The following DCBLD2 variants were observed in gnomAD, a reference collection of about 807,000 sequenced individuals.
The protein encoded by DCBLD2 is discoidin, CUB and LCCL domain containing 2.
Under a neutral mutation model 86.8 loss-of-function variants are expected in DCBLD2, and 54 were observed. That is an observed-to-expected ratio of 0.62 (90% CI 0.50 to 0.78). The LOEUF (loss-of-function observed/expected upper bound fraction) is 0.78. DCBLD2 is among the 30% of genes least tolerant of loss of function. DCBLD2 has a pLI of 0.00. For missense variants in DCBLD2, 908 were observed against 954.2 expected, an observed-to-expected ratio of 0.95 and a Z score of 0.64; for synonymous variants, 354 against 341.3, an observed-to-expected ratio of 1.04 and a Z score of -0.41.
chr3:98,839,143 CCT>C (rs1491447625), intron 3 of DCBLD2, among the ~76,000 whole-genome samples: 17 of 11,836 alleles, frequency 1.4e-3, no homozygotes, highest in African/African-American at 3.3e-3. Flanking sequence ...TTCCTTCCTT[CCT>C]TCTTTCTTTC....
In DCBLD2 at chr3:98,901,367, G is replaced by T. The variant is rs920756604; in HGVS notation, c.-41C>A. ...TCTGCCTGCATAGTGCGGGTGCCTC[G>T]GCAGCCCCGCGCGCCTCTGGCCGCG... On this transcript the variant is annotated 5_prime_UTR_variant, in exon 1 of 16. Transcript: ENST00000326840. 3 of 1,285,634 alleles carry T rather than the reference G, an allele frequency of 2.3e-6. No homozygotes were observed. Among genetic ancestry groups the T allele is most frequent in the African/African-American group, 1.6e-5 (1 of 64,286 alleles). The allele number at this position is 1,285,634 out of a possible 1,614,324, so 79.6% of individuals were successfully genotyped here.
intron 4 of DCBLD2, among the ~76,000 whole-genome samples, chr3:98,823,394 C>T (rs1371499915): frequency 6.6e-6 from 1 of 152,158 alleles, no homozygotes; most frequent in Admixed American, 6.5e-5. Flanking sequence ...ATACATTTTA[C>T]CAACCCTCTA....
chr3:98,846,978 T>C (rs920506472), intron 3 of DCBLD2, among the ~76,000 whole-genome samples: 3 of 152,156 alleles, frequency 2.0e-5, no homozygotes, highest in Non-Finnish European at 2.9e-5. Flanking sequence ...TAACCTGATA[T>C]TAAGAAACTT....
At chr3:98,865,846 C>T (rs1459637190) in intron 2 of DCBLD2, among the ~76,000 whole-genome samples, 5 of 148,082 alleles carry the variant, frequency 3.4e-5, no homozygotes, top group Non-Finnish European at 6.0e-5. Context: ...TCTCCTAATG[C>T]TATCCCTCCT....
intron 3 of DCBLD2, among the ~76,000 whole-genome samples, chr3:98,841,983 T>C (rs752718055): frequency 3.8e-4 from 58 of 152,304 alleles, no homozygotes; most frequent in Middle Eastern, 3.4e-3. Flanking sequence ...GAGAATCGCT[T>C]GAACCCGAGA....
chr3:98,804,166 C>T (rs1241974148), intron 13 of DCBLD2, among the ~76,000 whole-genome samples: 3 of 152,152 alleles, frequency 2.0e-5, no homozygotes, highest in Non-Finnish European at 2.9e-5. Context: ...GCTATGAATC[C>T]GTCTGGTCCT....
chr3:98,885,135 G>A (rs13087627), intron 1 of DCBLD2, among the ~76,000 whole-genome samples: 6,667 of 151,872 alleles, frequency 0.044, 228 homozygotes, highest in Non-Finnish European at 0.07. Flanking sequence ...CTTGTGTAGG[G>A]GGAGGGCAGG....
intron 1 of DCBLD2, among the ~76,000 whole-genome samples, chr3:98,900,473 T>G: frequency 6.6e-6 from 1 of 151,002 alleles, no homozygotes; most frequent in East Asian, 1.9e-4. Context: ...GGATTGTAGG[T>G]GGAAAAAAAA....
chr3:98,881,878 A>T (rs1943478220), intron 1 of DCBLD2, 111 bp from the exon 2 acceptor site: 2 of 1,034,246 alleles, frequency 1.9e-6, no homozygotes, highest in Non-Finnish European at 2.8e-6. Flanking sequence ...ATTTTATACC[A>T]CCCATACTTT....
intron 13 of DCBLD2, among the ~76,000 whole-genome samples, chr3:98,806,293 A>G (rs1435838392): frequency 6.6e-6 from 1 of 152,220 alleles, no homozygotes; most frequent in Non-Finnish European, 1.5e-5. Flanking sequence ...TTGAAAATAG[A>G]AAATACAGGT....
rs149610225 is a variant in DCBLD2 at position 98,879,623 on chromosome 3, G to A, written c.433+1917C>T. 5.5e-3 allele frequency among the ~76,000 whole-genome samples: 831 copies of A among 152,210 alleles called. 6 individuals are homozygous for A. Among genetic ancestry groups the A allele is most frequent in the African/African-American group, 0.019 (769 of 41,536 alleles). On this transcript the variant is annotated intron_variant, in intron 2 of 15. Transcript: ENST00000326840. ...AGGATGGTCTCGATCACCTGACCTC[G>A]TGATCCGCCCACCTCGGTCTGATAA...
At chr3:98,864,628 C>T (rs1487287444) in intron 2 of DCBLD2, among the ~76,000 whole-genome samples, 5 of 152,108 alleles carry the variant, frequency 3.3e-5, no homozygotes. Flanking sequence ...AGCGCATGTT[C>T]TCACTCATAG....
intron 2 of DCBLD2, among the ~76,000 whole-genome samples, chr3:98,864,318 T>A (rs1176996283): frequency 1.3e-5 from 2 of 152,222 alleles, no homozygotes; most frequent in Non-Finnish European, 2.9e-5. Context: ...TATCTAGAAC[T>A]TAAAATACCA....
At chr3:98,888,250 T>C (rs970059731) in intron 1 of DCBLD2, among the ~76,000 whole-genome samples, 1 of 151,976 alleles carries the variant, frequency 6.6e-6, no homozygotes, top group African/African-American at 2.4e-5. Context: ...TAAAAAGACA[T>C]TGCCCCCAGC....
intron 9 of DCBLD2, among the ~76,000 whole-genome samples, chr3:98,817,411 A>G (rs1478433895): frequency 1.3e-5 from 2 of 152,222 alleles, no homozygotes; most frequent in Non-Finnish European, 2.9e-5. Flanking sequence ...CCTACAGAGT[A>G]GAAATCTGGG....
chr3:98,820,701 CAG>C (rs1183706297), intron 6 of DCBLD2: 1 of 152,262 alleles, frequency 6.6e-6, no homozygotes, highest in African/African-American at 2.4e-5. Context: ...GTCTAATTCT[CAG>C]AGAATGAGGC....
intron 2 of DCBLD2, among the ~76,000 whole-genome samples, chr3:98,852,661 C>T (rs1213272494): frequency 1.3e-5 from 2 of 151,992 alleles, no homozygotes; most frequent in Admixed American, 1.3e-4. Flanking sequence ...TCAGGTAGGC[C>T]CATTAAAAGC....
rs79218983 is a variant in DCBLD2 at position 98,884,404 on chromosome 3, TA to T, written c.206-2638del. ...AAAATGTAGGATGTTACACAGTCCA[TA>T]AAAAAAAAAAACCACAAATTTCCCC... is the stretch of plus-strand genomic sequence containing the variant. On this transcript the variant is annotated intron_variant, in intron 1 of 15. Coordinates refer to ENST00000326840, the MANE Select transcript of DCBLD2 (RefSeq NM_080927.4). Among the ~76,000 whole-genome samples, 164 of 139,318 alleles carry T rather than the reference TA, an allele frequency of 1.2e-3. 2 individuals carry two copies. Among genetic ancestry groups the T allele is most frequent in the African/African-American group, 3.1e-3 (117 of 38,254 alleles). The allele number at this position is 139,318 out of a possible 152,430, so 91.4% of individuals were successfully genotyped here.
intron 3 of DCBLD2, among the ~76,000 whole-genome samples, chr3:98,844,652 C>T (rs1342903705): frequency 2.0e-5 from 3 of 152,116 alleles, no homozygotes; most frequent in Non-Finnish European, 4.4e-5. Flanking sequence ...TGTGAACCAC[C>T]GCACCTGGCC....
Sources: allele counts gnomAD v4.1 joint callset (sites outside exome capture counted in the v4.1 genomes callset), GRCh38; gene constraint gnomAD v4.1.1; transcripts MANE v1.5; gene names NCBI Gene and HGNC (gene_info 2026-07-23, HGNC 2026-07-21).